Variants in IGSF11 observed in about 807,000 individuals in gnomAD.
IGSF11 encodes the protein CXADR like 1.
IGSF11 carries 22 observed loss-of-function variants against 41.0 expected under a neutral mutation model. The ratio of observed to expected loss-of-function variants is 0.54; its 90% confidence interval spans 0.38 to 0.77. The LOEUF is 0.77. Among genes scored for constraint, IGSF11 ranks in the 30% least tolerant of loss-of-function variants. The pLI is 0.00. For synonymous variants in IGSF11, 219 were observed against 201.3 expected (o/e 1.09, Z -0.74); for missense variants, 444 against 530.8 (o/e 0.84, Z 1.61).
intron 1 of IGSF11, among the ~76,000 whole-genome samples, chr3:119,079,057 A>T (rs1225369665): frequency 6.6e-6 from 1 of 152,172 alleles, no homozygotes; most frequent in Non-Finnish European, 1.5e-5. Context: ...AATGACTATT[A>T]TTAAAAAGTT....
chr3:119,075,328 A>G (rs1258806664), intron 1 of IGSF11, among the ~76,000 whole-genome samples: 1 of 152,162 alleles, frequency 6.6e-6, no homozygotes, highest in Non-Finnish European at 1.5e-5. Context: ...AAATTAAATC[A>G]ATAATAAAAA....
chr3:119,017,041 A>G (rs1422391531), intron 1 of IGSF11, among the ~76,000 whole-genome samples: 14 of 140,460 alleles, frequency 1.0e-4, no homozygotes, highest in Non-Finnish European at 1.4e-4. Flanking sequence ...ACGCAGGACA[A>G]AAAAAAAAAA....
At chr3:119,023,316 A>G (rs1410791002) in intron 1 of IGSF11, among the ~76,000 whole-genome samples, 1 of 151,128 alleles carries the variant, frequency 6.6e-6, no homozygotes, top group Non-Finnish European at 1.5e-5. Context: ...AAGAAAGGAT[A>G]GTAAGAAGAT....
At chr3:119,010,444 A>C (rs1255985279) in intron 1 of IGSF11, among the ~76,000 whole-genome samples, 1 of 152,224 alleles carries the variant, frequency 6.6e-6, no homozygotes, top group African/African-American at 2.4e-5. Context: ...TGTATCTCTG[A>C]GGGTGTTTCT....
chr3:119,034,621 T>A lies in IGSF11; in HGVS notation c.-39A>T. ...GGAGCGCGCCTGCCTCCTACCCGGC[T>A]CCCGGTCGCAACAGGAGAGGAGCGG... On this transcript the variant is annotated 5_prime_UTR_variant, in exon 1 of 7. Coordinates refer to ENST00000393775, the MANE Select transcript of IGSF11 (RefSeq NM_001015887.3). 6.4e-7 allele frequency: 1 copy of A among 1,556,376 alleles called. No homozygotes were observed. Among genetic ancestry groups the A allele is most frequent in the Non-Finnish European group, 8.7e-7 (1 of 1,152,212 alleles).
chr3:118,916,252 A>G (rs1941076280), intron 4 of IGSF11, among the ~76,000 whole-genome samples: 3 of 151,864 alleles, frequency 2.0e-5, no homozygotes, highest in African/African-American at 4.8e-5. Flanking sequence ...ATTCACACAT[A>G]ACACTATTAA....
chr3:118,935,417 C>T (rs1943195112), intron 1 of IGSF11, among the ~76,000 whole-genome samples: 3 of 142,796 alleles, frequency 2.1e-5, no homozygotes, highest in South Asian at 2.3e-4. Flanking sequence ...CATATACATA[C>T]GTATATACAT....
chr3:118,913,975 T>A (rs982357765), intron 4 of IGSF11, among the ~76,000 whole-genome samples: 1 of 152,060 alleles, frequency 6.6e-6, no homozygotes, highest in Admixed American at 6.6e-5. Context: ...AAAGAACTGA[T>A]GAGACGAAAT....
intron 4 of IGSF11, among the ~76,000 whole-genome samples, chr3:118,913,422 C>G (rs183421864): frequency 6.8e-6 from 1 of 147,534 alleles, no homozygotes; most frequent in Non-Finnish European, 1.5e-5. Flanking sequence ...CTGCAAAAAG[C>G]AAAGGAAGGA....
At chr3:118,966,169 T>G (rs1364535632) in intron 1 of IGSF11, among the ~76,000 whole-genome samples, 1 of 152,112 alleles carries the variant, frequency 6.6e-6, no homozygotes, top group Non-Finnish European at 1.5e-5. Context: ...GCACATAATA[T>G]ACGTATGATC....
At chr3:119,072,881 C>T (rs1235421102) in intron 1 of IGSF11, among the ~76,000 whole-genome samples, 1 of 152,210 alleles carries the variant, frequency 6.6e-6, no homozygotes, top group Non-Finnish European at 1.5e-5. Context: ...GCCCCACCCA[C>T]ATCCTGCTGA....
intron 1 of IGSF11, among the ~76,000 whole-genome samples, chr3:119,117,750 A>G (rs2077278243): frequency 6.6e-6 from 1 of 152,240 alleles, no homozygotes; most frequent in Non-Finnish European, 1.5e-5. Flanking sequence ...CCTTCCACCT[A>G]TGAGCCTGTA....
At chr3:119,086,019 T>C (rs960800696) in intron 1 of IGSF11, among the ~76,000 whole-genome samples, 1 of 152,246 alleles carries the variant, frequency 6.6e-6, no homozygotes, top group African/African-American at 2.4e-5. Context: ...GGACACACTA[T>C]GTAAATGAAA....
intron 1 of IGSF11, among the ~76,000 whole-genome samples, chr3:119,017,284 A>G (rs1360587092): frequency 6.6e-6 from 1 of 152,236 alleles, no homozygotes; most frequent in African/African-American, 2.4e-5. Context: ...GATGGTATAC[A>G]GCCTACTACA....
intron 2 of IGSF11, among the ~76,000 whole-genome samples, chr3:118,929,155 T>C (rs949305302): frequency 1.3e-5 from 2 of 152,204 alleles, no homozygotes; most frequent in Non-Finnish European, 2.9e-5. Flanking sequence ...AGTCCATGAT[T>C]ACTGTTCTTA....
At chr3:118,989,483 G>T (rs1262725558) in intron 1 of IGSF11, among the ~76,000 whole-genome samples, 10 of 152,072 alleles carry the variant, frequency 6.6e-5, no homozygotes, top group Non-Finnish European at 1.3e-4. Context: ...CTCCTGAGTA[G>T]CTGGGACTAC....
At chr3:118,933,489 T>TATAC (rs561820742) in intron 1 of IGSF11, among the ~76,000 whole-genome samples, 1,645 of 148,758 alleles carry the variant, frequency 0.011, 32 homozygotes, top group African/African-American at 0.025. Flanking sequence ...TATATATATA[T>TATAC]ACACACACAC....
At chr3:118,904,450 T>A (rs764110642) in intron 6 of IGSF11, among the ~76,000 whole-genome samples, 198 bp downstream of exon 6, 1 of 152,216 alleles carries the variant, frequency 6.6e-6, no homozygotes, top group Non-Finnish European at 1.5e-5. Flanking sequence ...ATGCTGGACC[T>A]TTCCCTCCTT....
intron 1 of IGSF11, among the ~76,000 whole-genome samples, chr3:119,075,081 C>A (rs987091836): frequency 2.0e-5 from 3 of 152,092 alleles, no homozygotes; most frequent in Non-Finnish European, 2.9e-5. Flanking sequence ...GATAGATATA[C>A]CACTAGCTAG....
Sources: gnomAD v4.1 joint callset for allele counts (sites outside exome capture counted in the v4.1 genomes callset) on GRCh38, gnomAD v4.1.1 for gene constraint, MANE v1.5 for transcripts, NCBI Gene and HGNC (gene_info 2026-07-23, HGNC 2026-07-21) for gene names.